The following FHIP1A variants were observed in gnomAD, a reference collection of about 807,000 sequenced individuals.
The protein encoded by FHIP1A is FHF complex subunit HOOK-interacting protein 1A.
In FHIP1A, 61 loss-of-function variants were observed where a neutral mutation model predicts 88.6. The observed-to-expected ratio is 0.69, with a 90% CI of 0.56 to 0.85. The LOEUF is 0.85. Among genes scored for constraint, FHIP1A ranks in the 40% least tolerant of loss-of-function variants. The pLI, the probability that FHIP1A is intolerant of heterozygous loss-of-function variation, is 0.00. For missense variants in FHIP1A, 1,154 were observed against 1,273.5 expected, an observed-to-expected ratio of 0.91 and a Z score of 1.43; for synonymous variants, 478 against 496.0, an observed-to-expected ratio of 0.96 and a Z score of 0.48.
At chr4:151,440,630 T>C (rs1463229665) in intron 1 of FHIP1A, among the ~76,000 whole-genome samples, 1 of 152,120 alleles carries the variant, frequency 6.6e-6, no homozygotes, top group Non-Finnish European at 1.5e-5. Context: ...ACCACCATCA[T>C]GGCCCTGGGT....
At chr4:151,458,677 A>G (rs58961701) in intron 2 of FHIP1A, among the ~76,000 whole-genome samples, 20,306 of 152,132 alleles carry the variant, frequency 0.13, 1,507 homozygotes, top group African/African-American at 0.2. Context: ...CTAGAACTGT[A>G]GAATAAATAA....
At chr4:151,470,884 G>T (rs11729923) in intron 2 of FHIP1A, among the ~76,000 whole-genome samples, 78,990 of 151,884 alleles carry the variant, frequency 0.52, 20,845 homozygotes, top group African/African-American at 0.55. Flanking sequence ...GACTGTGGCC[G>T]TATTGTATTT....
intron 1 of FHIP1A, among the ~76,000 whole-genome samples, chr4:151,445,147 G>T (rs983926719): frequency 1.2e-4 from 18 of 152,252 alleles, no homozygotes; most frequent in Admixed American, 1.1e-3. Flanking sequence ...ACAAAGGCTT[G>T]TAGAACCCAA....
chr4:151,441,317 T>C lies in FHIP1A; in HGVS notation c.-355-13384T>C, dbSNP rs898965698. The stretch of plus-strand genomic sequence containing the variant: ...TTTAGAAAATTCTGAGATCAAGTCC[T>C]TTCTACTTTTTTTTTTTTTGTATTA... On this transcript the variant is annotated intron_variant, in intron 1 of 13. Transcript: ENST00000435205. Among the ~76,000 whole-genome samples the C allele has an allele frequency of 2.7e-5, 4 of 150,554 alleles. No individual in the cohort carries two copies. The South Asian group carries it at 8.5e-4, about 32-fold the overall frequency.
chr4:151,606,658 T>G (rs1735085159), intron 7 of FHIP1A, among the ~76,000 whole-genome samples: 1 of 152,218 alleles, frequency 6.6e-6, no homozygotes, highest in South Asian at 2.1e-4. Context: ...ATTGTCAACC[T>G]TATTGACCCA....
intron 1 of FHIP1A, among the ~76,000 whole-genome samples, chr4:151,440,170 A>G (rs1388094577): frequency 6.6e-6 from 1 of 152,090 alleles, no homozygotes; most frequent in African/African-American, 2.4e-5. Context: ...TCTTGTGAGA[A>G]CTCACTCACT....
intron 2 of FHIP1A, among the ~76,000 whole-genome samples, chr4:151,480,133 A>C (rs1266058916): frequency 2.6e-5 from 4 of 152,052 alleles, no homozygotes; most frequent in Non-Finnish European, 5.9e-5. Flanking sequence ...CTTTCAATTT[A>C]CTTGAATTCC....
intron 1 of FHIP1A, among the ~76,000 whole-genome samples, chr4:151,449,644 G>A (rs911985081): frequency 3.9e-5 from 6 of 152,030 alleles, no homozygotes; most frequent in African/African-American, 1.4e-4. Context: ...CTGTCTAACT[G>A]TAACCTTTTT....
intron 3 of FHIP1A, among the ~76,000 whole-genome samples, chr4:151,484,944 CTG>C (rs1730025023): frequency 6.6e-6 from 1 of 152,182 alleles, no homozygotes; most frequent in Admixed American, 6.5e-5. Context: ...GAATGTTTCT[CTG>C]TGGCTTCCCT....
At position 151,656,523 on chromosome 4, in the gene FHIP1A, C is replaced by A; in HGVS notation, c.2730+113C>A. 8.8e-7 allele frequency: 1 copy of A among 1,133,376 alleles called. No homozygotes were observed. Among genetic ancestry groups the A allele is most frequent in the Non-Finnish European group, 1.2e-6 (1 of 802,182 alleles). 70.2% of individuals were successfully genotyped at this position (1,133,376 alleles called of 1,614,324 possible). ...AAATTCCTTTGCTCTAATTCATTTG[C>A]TTTCCTTCCCTGTCCTATTAAGCTC... On this transcript the variant is annotated intron_variant, in intron 12 of 13. Coordinates refer to ENST00000435205, the MANE Select transcript of FHIP1A (RefSeq NM_001109977.3). The surrounding 1 kb of genome is among the most constrained non-coding windows in gnomAD (Gnocchi z 4.2).
chr4:151,466,078 G>A (rs1268668687), intron 2 of FHIP1A, among the ~76,000 whole-genome samples: 3 of 152,052 alleles, frequency 2.0e-5, no homozygotes, highest in Non-Finnish European at 2.9e-5. Context: ...ATGTTTAGAA[G>A]ACCCCATCGT....
intron 1 of FHIP1A, among the ~76,000 whole-genome samples, chr4:151,453,365 C>T (rs576458313): frequency 3.3e-5 from 5 of 152,082 alleles, no homozygotes; most frequent in Non-Finnish European, 5.9e-5. Context: ...TTTTTCCATA[C>T]CATTAAATAT....
intron 2 of FHIP1A, among the ~76,000 whole-genome samples, chr4:151,477,474 T>G (rs56092201): frequency 0.12 from 18,882 of 152,080 alleles, 1,291 homozygotes; most frequent in African/African-American, 0.17. Context: ...CTAAGTAAGA[T>G]AGAAAACTGA....
chr4:151,482,728 C>T (rs1173962644), intron 3 of FHIP1A, 80 bp downstream of exon 3: 1 of 150,800 alleles, frequency 6.6e-6, no homozygotes, highest in Non-Finnish European at 1.5e-5. Context: ...TTTTTTAAAG[C>T]AAGTCTACTT....
At chr4:151,585,438 C>T (rs965420047) in intron 5 of FHIP1A, among the ~76,000 whole-genome samples, 6 of 152,164 alleles carry the variant, frequency 3.9e-5, no homozygotes, top group Non-Finnish European at 8.8e-5. Context: ...CTCAGCTCCC[C>T]AAAATGCTGG....
chr4:151,559,285 AGTT>A lies in FHIP1A; in HGVS notation c.-122-6849_-122-6847del, dbSNP rs141232631. 8.3e-3 allele frequency among the ~76,000 whole-genome samples: 1,271 copies of A among 152,224 alleles called. 20 individuals are homozygous for A. Among genetic ancestry groups the A allele is most frequent in the African/African-American group, 0.03 (1,231 of 41,528 alleles). On this transcript the variant is annotated intron_variant, in intron 3 of 13. Transcript: ENST00000435205. ...TAGCAAGTCCTTTTCCTTTTATTTA[AGTT>A]GTTCTTTTGCTTTTATTTTGTTAAA...
At chr4:151,582,344 ATCTT>A (rs1211679386) in intron 5 of FHIP1A, among the ~76,000 whole-genome samples, 3 of 151,144 alleles carry the variant, frequency 2.0e-5, no homozygotes, top group Non-Finnish European at 4.4e-5. Flanking sequence ...TGTGCATGTC[ATCTT>A]TCTTTCTTTT....
rs941906176 is a variant in FHIP1A at position 151,646,581 on chromosome 4, T to C, written c.1250T>C (p.Met417Thr). 1.9e-6 allele frequency: 3 copies of C among 1,551,398 alleles called. No homozygotes were observed. Among genetic ancestry groups the C allele is most frequent in the African/African-American group, 1.4e-5 (1 of 73,042 alleles). Reference sequence around the variant, plus strand: ...AGGTATCTGATCCCCTGCAATCACATGATGCTGAGTCAGAGGTGGGCTGTG... The same window carrying C: ...AGGTATCTGATCCCCTGCAATCACACGATGCTGAGTCAGAGGTGGGCTGTG... ...VLRYLIPCNH[M>T]MLSQRWAVKE... is the part of the protein sequence containing the mutation. The change falls in exon 10 of 14, where the codon ATG becomes ACG. Residue 417 changes from methionine to threonine, a missense_variant. Met to Thr is a moderately conservative substitution (Grantham distance 81). Transcript: ENST00000435205.
In FHIP1A at chr4:151,656,336, C is replaced by A; in HGVS notation, c.2656C>A (p.Pro886Thr). 1 of 1,551,612 alleles carries A rather than the reference C, an allele frequency of 6.4e-7. No individual in the cohort carries two copies. ...IGIITQLASYPQPLLRSFLLN... is the reference protein window; with the variant it reads ...IGIITQLASYTQPLLRSFLLN... ...GATCATTACTCAGCTAGCCAGCTAC[C>A]CCCAGCCACTCCTGCGCTCCTTTCT... The change falls in exon 12 of 14, where the codon CCC becomes ACC. Residue 886 changes from proline to threonine, a missense_variant. Transcript: ENST00000435205. This position sits in a 1 kb window ranked among gnomAD's most constrained non-coding sequence, Gnocchi z 4.2.
Sources: allele counts gnomAD v4.1 joint callset (sites outside exome capture counted in the v4.1 genomes callset), GRCh38; gene constraint gnomAD v4.1.1; non-coding constraint Gnocchi (gnomAD v3.1); transcripts MANE v1.5; gene names NCBI Gene and HGNC (gene_info 2026-07-23, HGNC 2026-07-21).